NEK11: variants seen among roughly 807,000 people sequenced by gnomAD.
The protein encoded by NEK11 is serine/threonine-protein kinase Nek11.
A neutral mutation model predicts 80.7 loss-of-function variants in NEK11; 72 were observed. The ratio of observed to expected loss-of-function variants is 0.89; its 90% confidence interval spans 0.74 to 1.08. The LOEUF (loss-of-function observed/expected upper bound fraction) is 1.08, where lower values mean the gene tolerates loss of function less well. Ranked by LOEUF, NEK11 falls within the 50% of genes least tolerant of loss-of-function variation. The pLI is 0.00. For missense variants in NEK11, 764 were observed against 763.6 expected (o/e 1.00, Z -0.01); for synonymous variants, 251 against 260.7 (o/e 0.96, Z 0.36).
chr3:131,083,712 C>A (rs1479480782), intron 4 of NEK11, among the ~76,000 whole-genome samples: 1 of 152,134 alleles, frequency 6.6e-6, no homozygotes, highest in Non-Finnish European at 1.5e-5. Context: ...TATATAAATG[C>A]ATTAGTGAGG....
chr3:131,335,465 T>G (rs1017916128), intron 17 of NEK11, among the ~76,000 whole-genome samples: 17 of 152,274 alleles, frequency 1.1e-4, no homozygotes, highest in African/African-American at 3.9e-4. Flanking sequence ...ATGGGACATA[T>G]CTCAAAATAA....
intron 14 of NEK11, among the ~76,000 whole-genome samples, chr3:131,203,633 C>T (rs912642506): frequency 1.6e-5 from 2 of 125,168 alleles, no homozygotes; most frequent in East Asian, 2.1e-4. Flanking sequence ...ATTTTCAAAA[C>T]GGTGATATTG....
intron 14 of NEK11, among the ~76,000 whole-genome samples, chr3:131,183,201 T>C (rs568355732): frequency 2.0e-5 from 3 of 152,358 alleles, no homozygotes; most frequent in African/African-American, 7.2e-5. Flanking sequence ...TTGGCCCCTT[T>C]AGCTCTGTGC....
At chr3:131,177,685 T>A (rs1179894622) in intron 14 of NEK11, among the ~76,000 whole-genome samples, 2 of 152,216 alleles carry the variant, frequency 1.3e-5, no homozygotes, top group Non-Finnish European at 2.9e-5. Context: ...TGAACCTGAC[T>A]GTTGCCCTAG....
At chr3:131,069,465 T>G (rs2072771472) in intron 3 of NEK11, among the ~76,000 whole-genome samples, 1 of 152,130 alleles carries the variant, frequency 6.6e-6, no homozygotes, top group Non-Finnish European at 1.5e-5. Context: ...GACCCAGCCA[T>G]CCCATTACTG....
chr3:131,154,888 A>G lies in NEK11; in HGVS notation c.877-148A>G, dbSNP rs553668453. ...TTGGAAAAGCTACATGTAATTTTAC[A>G]TAACCCAGGGAAAACTAGCATGCTT... On this transcript the variant is annotated intron_variant, in intron 9 of 17. Coordinates refer to ENST00000383366, the MANE Select transcript of NEK11 (RefSeq NM_024800.5). 77 of 558,176 alleles carry G rather than the reference A, an allele frequency of 1.4e-4. No individual in the cohort carries two copies. In the East Asian group the frequency reaches 2.0e-3, roughly 14 times the overall value. 34.6% of individuals were successfully genotyped at this position (558,176 alleles called of 1,614,324 possible).
chr3:131,237,188 A>T (rs1193764571), intron 15 of NEK11, among the ~76,000 whole-genome samples: 1 of 152,046 alleles, frequency 6.6e-6, no homozygotes, highest in Non-Finnish European at 1.5e-5. Context: ...AAAAAATTTT[A>T]AAATAGCTGA....
chr3:131,092,113 C>T (rs2076818027), intron 4 of NEK11, among the ~76,000 whole-genome samples: 1 of 152,226 alleles, frequency 6.6e-6, no homozygotes, highest in South Asian at 2.1e-4. Context: ...TTAACAATTT[C>T]TCCCTATTAG....
intron 5 of NEK11, among the ~76,000 whole-genome samples, chr3:131,128,037 C>A (rs551909279): frequency 1.3e-5 from 2 of 152,244 alleles, no homozygotes; most frequent in African/African-American, 4.8e-5. Context: ...AGGTTCACAG[C>A]AAAATTGAGT....
chr3:131,231,295 A>G (rs191837569), intron 15 of NEK11, among the ~76,000 whole-genome samples: 2 of 150,116 alleles, frequency 1.3e-5, no homozygotes, highest in East Asian at 4.1e-4. Context: ...GAGGAAAGTT[A>G]GTTTCTGAGA....
intron 3 of NEK11, among the ~76,000 whole-genome samples, chr3:131,036,122 A>AT (rs1560111902): frequency 6.6e-6 from 1 of 152,228 alleles, no homozygotes; most frequent in Non-Finnish European, 1.5e-5. Context: ...GGTCCTAGTC[A>AT]TTGCCTCTGA....
At chr3:131,340,878 T>G (rs72993137) in intron 17 of NEK11, among the ~76,000 whole-genome samples, 2 of 152,104 alleles carry the variant, frequency 1.3e-5, no homozygotes, top group Admixed American at 6.5e-5. Context: ...AAGGCTTTTG[T>G]TTCTTGAAGA....
intron 17 of NEK11, among the ~76,000 whole-genome samples, chr3:131,332,267 A>C (rs1350721008): frequency 6.6e-6 from 1 of 152,194 alleles, no homozygotes; most frequent in East Asian, 1.9e-4. Context: ...TCTGAGACAA[A>C]ACTTCCAGAG....
At chr3:131,291,654 A>G (rs1056837671) in intron 17 of NEK11, among the ~76,000 whole-genome samples, 1 of 152,150 alleles carries the variant, frequency 6.6e-6, no homozygotes, top group Non-Finnish European at 1.5e-5. Context: ...TCTAATAAGT[A>G]TGTAGTAGTA....
At chr3:131,248,588 A>T (rs1022462843) in intron 16 of NEK11, among the ~76,000 whole-genome samples, 6 of 151,974 alleles carry the variant, frequency 3.9e-5, no homozygotes, top group Non-Finnish European at 7.4e-5. Flanking sequence ...CCTGGATTGC[A>T]TGGTCCCCCC....
chr3:131,289,449 C>A (rs2096519939), intron 17 of NEK11, among the ~76,000 whole-genome samples: 1 of 152,182 alleles, frequency 6.6e-6, no homozygotes, highest in South Asian at 2.1e-4. Context: ...GGTGGAAGGA[C>A]TTTCTTACAG....
At chr3:131,191,161 T>C (rs1197890009) in intron 14 of NEK11, among the ~76,000 whole-genome samples, 1 of 152,186 alleles carries the variant, frequency 6.6e-6, no homozygotes, top group Non-Finnish European at 1.5e-5. Flanking sequence ...ATTTAATACC[T>C]AGAAAAAATA....
chr3:131,123,678 T>C (rs1456388589), intron 5 of NEK11, among the ~76,000 whole-genome samples: 1 of 151,944 alleles, frequency 6.6e-6, no homozygotes, highest in Non-Finnish European at 1.5e-5. Context: ...CATCTTCTGC[T>C]TGTCTAGTCT....
chr3:131,322,824 C>T (rs974827782), intron 17 of NEK11, among the ~76,000 whole-genome samples: 5 of 152,152 alleles, frequency 3.3e-5, no homozygotes, highest in Non-Finnish European at 7.4e-5. Flanking sequence ...AAGAGGCCCC[C>T]GCTCCCCTTC....
Sources: gnomAD v4.1 joint callset for allele counts (sites outside exome capture counted in the v4.1 genomes callset) on GRCh38, gnomAD v4.1.1 for gene constraint, MANE v1.5 for transcripts, NCBI Gene and HGNC (gene_info 2026-07-23, HGNC 2026-07-21) for gene names.